SLC9A9: variants seen among roughly 807,000 people sequenced by gnomAD.
The protein encoded by SLC9A9 is solute carrier family 9 member A9.
In SLC9A9, 62 loss-of-function variants were observed where a neutral mutation model predicts 77.8. The observed-to-expected ratio is 0.80, with a 90% confidence interval of 0.65 to 0.98. The LOEUF (loss-of-function observed/expected upper bound fraction) is 0.98, where lower values mean the gene tolerates loss of function less well. Ranked by LOEUF, SLC9A9 falls within the 50% of genes least tolerant of loss-of-function variation. SLC9A9 has a pLI of 0.00. For missense variants in SLC9A9, 775 were observed against 774.9 expected (o/e 1.00, Z 0.00); for synonymous variants, 320 against 283.5 (o/e 1.13, Z -1.29).
chr3:143,356,455 T>C (rs867370932), intron 14 of SLC9A9, among the ~76,000 whole-genome samples: 4 of 152,168 alleles, frequency 2.6e-5, no homozygotes, highest in Admixed American at 1.3e-4. Context: ...ACTGTTAAAA[T>C]TCCCCTGTGT....
intron 5 of SLC9A9, chr3:143,655,412 G>T (rs1178907082): frequency 1.1e-6 from 1 of 933,584 alleles, no homozygotes; most frequent in Non-Finnish European, 1.3e-6. Flanking sequence ...ACATCGTGTG[G>T]ATAGGAAGGG....
chr3:143,808,520 C>T (rs1056356385), intron 2 of SLC9A9, among the ~76,000 whole-genome samples: 15 of 152,168 alleles, frequency 9.9e-5, no homozygotes, highest in African/African-American at 3.6e-4. Flanking sequence ...TGAAGAGAAG[C>T]ACCAATGTTT....
At chr3:143,527,443 T>C (rs1351650924) in intron 9 of SLC9A9, among the ~76,000 whole-genome samples, 1 of 152,218 alleles carries the variant, frequency 6.6e-6, no homozygotes, top group Admixed American at 6.5e-5. Context: ...TTGAAGGAAC[T>C]TCATTAGGTT....
chr3:143,364,214 G>C (rs1433426781), intron 13 of SLC9A9, among the ~76,000 whole-genome samples: 1 of 150,938 alleles, frequency 6.6e-6, no homozygotes, highest in Non-Finnish European at 1.5e-5. Flanking sequence ...TGAGAGAAGA[G>C]GATGAAATGT....
rs114131963 is a variant in SLC9A9, at chr3:143,484,503, G to A, written c.1315+9150C>T. Among the ~76,000 whole-genome samples the A allele has an allele frequency of 2.6e-3, 392 of 152,262 alleles. 1 individual carries two copies. Among genetic ancestry groups the A allele is most frequent in the African/African-American group, 8.8e-3 (366 of 41,542 alleles). ...CTTTTGAAGAGAAATACCACCCTGCGTGTGATGACCTCACCTGATTCATCA... is the reference window on the plus strand; with the variant it reads ...CTTTTGAAGAGAAATACCACCCTGCATGTGATGACCTCACCTGATTCATCA... On this transcript the variant is annotated intron_variant, in intron 11 of 15. Transcript: ENST00000316549.
At chr3:143,841,207 C>T (rs1000619491) in intron 1 of SLC9A9, among the ~76,000 whole-genome samples, 7 of 152,116 alleles carry the variant, frequency 4.6e-5, no homozygotes, top group South Asian at 2.1e-4. Context: ...CATACACACA[C>T]GCACACACAC....
chr3:143,725,804 T>C (rs1470196491), intron 4 of SLC9A9, among the ~76,000 whole-genome samples: 2 of 150,262 alleles, frequency 1.3e-5, no homozygotes, highest in Admixed American at 6.6e-5. Context: ...AGTTAATGGG[T>C]GCAGCACACC....
chr3:143,712,646 T>C (rs762770791), intron 4 of SLC9A9, among the ~76,000 whole-genome samples: 6 of 142,472 alleles, frequency 4.2e-5, no homozygotes, highest in Non-Finnish European at 8.8e-5. Flanking sequence ...TAATCACTAC[T>C]GAATGACTCA....
At chr3:143,655,522 A>C in intron 5 of SLC9A9, 1 of 985,352 alleles carries the variant, frequency 1.0e-6, no homozygotes. Context: ...TTAGTGGCAG[A>C]TTTTCATGCT....
At chr3:143,470,435 G>A (rs1319184716) in intron 11 of SLC9A9, among the ~76,000 whole-genome samples, 2 of 150,538 alleles carry the variant, frequency 1.3e-5, no homozygotes, top group African/African-American at 4.9e-5. Flanking sequence ...AGCCAAGATC[G>A]CGCCATTGTA....
At chr3:143,437,878 G>A (rs754718401) in intron 12 of SLC9A9, among the ~76,000 whole-genome samples, 5 of 152,218 alleles carry the variant, frequency 3.3e-5, no homozygotes, top group Non-Finnish European at 7.3e-5. Context: ...AGAGCCAGGT[G>A]CACCAGGAAA....
intron 12 of SLC9A9, among the ~76,000 whole-genome samples, chr3:143,420,869 A>T (rs2034286153): frequency 6.6e-6 from 1 of 152,154 alleles, no homozygotes; most frequent in South Asian, 2.1e-4. Flanking sequence ...TGATTCTATC[A>T]TATCAGCAAA....
intron 9 of SLC9A9, among the ~76,000 whole-genome samples, chr3:143,529,536 T>G (rs1559954929): frequency 6.6e-6 from 1 of 152,148 alleles, no homozygotes. Flanking sequence ...TGGTTTTATA[T>G]ACCAGGTGAA....
intron 14 of SLC9A9, among the ~76,000 whole-genome samples, chr3:143,325,853 T>G (rs2031585895): frequency 6.6e-6 from 1 of 152,014 alleles, no homozygotes; most frequent in Admixed American, 6.5e-5. Flanking sequence ...AACAGAGGAG[T>G]GGATCAGACA....
At position 143,767,376 on chromosome 3, in the gene SLC9A9, ATG is replaced by A. The variant is rs142594079; in HGVS notation, c.533+27623_533+27624del. Among the ~76,000 whole-genome samples, 878 of 141,168 alleles carry A rather than the reference ATG, an allele frequency of 6.2e-3. 5 individuals carry two copies. The highest frequency in any genetic ancestry group is 0.025 in the East Asian group (122 of 4,812). 92.6% of individuals were successfully genotyped at this position (141,168 alleles called of 152,430 possible). A position where few individuals can be genotyped will look rare whatever the true frequency, so the allele number is the denominator to read the frequency against. ...TTTGTGAAACAGTAAGTGTCTGTGT[ATG>A]TGTGTGTGTGTGTGTGTGTGTGTGT... On this transcript the variant is annotated intron_variant, in intron 4 of 15. Transcript: ENST00000316549.
At chr3:143,733,463 G>A (rs1934859927) in intron 4 of SLC9A9, among the ~76,000 whole-genome samples, 1 of 152,096 alleles carries the variant, frequency 6.6e-6, no homozygotes, top group African/African-American at 2.4e-5. Context: ...TAGACTTGGA[G>A]CAATTTGAGA....
chr3:143,768,355 C>T (rs185212378), intron 4 of SLC9A9, among the ~76,000 whole-genome samples: 69 of 152,300 alleles, frequency 4.5e-4, no homozygotes, highest in African/African-American at 1.6e-3. Flanking sequence ...TTAATCTTCA[C>T]AACAACCTAC....
At chr3:143,571,319 CA>C (rs547080897) in intron 8 of SLC9A9, among the ~76,000 whole-genome samples, 128 of 152,294 alleles carry the variant, frequency 8.4e-4, no homozygotes, top group African/African-American at 2.9e-3. Flanking sequence ...ATGCAGAAAT[CA>C]TTTTTTTAAG....
intron 6 of SLC9A9, among the ~76,000 whole-genome samples, chr3:143,587,586 C>CCAGGGCCA (rs1553769274): frequency 2.6e-5 from 4 of 151,882 alleles, no homozygotes; most frequent in Admixed American, 1.3e-4. Context: ...AGGCTGGAGC[C>CCAGGGCCA]GGGCCAGGGC....
Sources: gnomAD v4.1 joint callset for allele counts (sites outside exome capture counted in the v4.1 genomes callset) on GRCh38, gnomAD v4.1.1 for gene constraint, MANE v1.5 for transcripts, NCBI Gene and HGNC (gene_info 2026-07-23, HGNC 2026-07-21) for gene names.